TCF7L2: variants seen among roughly 807,000 people sequenced by gnomAD.
TCF7L2 encodes transcription factor 7 like 2, also known as transcription factor 7-like 2.
TCF7L2 carries 23 observed loss-of-function variants against 77.9 expected under a neutral mutation model. The observed-to-expected ratio is 0.30, with a 90% CI of 0.21 to 0.42. The LOEUF is 0.42. TCF7L2 is among the 10% of genes least tolerant of loss of function. The pLI is 1.00. For missense variants in TCF7L2, 654 were observed against 793.1 expected (o/e 0.82, Z 2.11); for synonymous variants, 413 against 340.2 (o/e 1.21, Z -2.36).
At chr10:112,966,986 C>T (rs149778403) in intron 4 of TCF7L2, among the ~76,000 whole-genome samples, 6 of 152,140 alleles carry the variant, frequency 3.9e-5, no homozygotes, top group Non-Finnish European at 8.8e-5. Context: ...CTGCTAGACC[C>T]GCACAAGGCC....
intron 8 of TCF7L2, 86 bp from the exon 9 acceptor site, chr10:113,150,912 T>A: frequency 6.4e-7 from 1 of 1,557,302 alleles, no homozygotes; most frequent in East Asian, 2.3e-5. Context: ...CGTGCTGTTT[T>A]TTTTTTTCTT....
intron 8 of TCF7L2, among the ~76,000 whole-genome samples, chr10:113,149,960 A>G (rs572048594): frequency 6.6e-6 from 1 of 152,306 alleles, no homozygotes; most frequent in Admixed American, 6.5e-5. Context: ...AGTACAAATC[A>G]TGGTGACACC....
rs144930865 is a variant in TCF7L2, at chr10:113,024,389, T to C, written c.451-15636T>C. On this transcript the variant is annotated intron_variant, in intron 4 of 13. Coordinates refer to ENST00000627217, the MANE Select transcript of TCF7L2 (RefSeq NM_001146274.2). Reference sequence around the variant, plus strand: ...GACATAAACCCTGTAAACTATCTCATACATCATGGGAGTGAGTTTGCAGTG... The same window carrying C: ...GACATAAACCCTGTAAACTATCTCACACATCATGGGAGTGAGTTTGCAGTG... Among the ~76,000 whole-genome samples, 269 of 152,252 alleles carry C rather than the reference T, an allele frequency of 1.8e-3. 3 individuals are homozygous for C. The highest frequency in any genetic ancestry group is 6.1e-3 in the African/African-American group (254 of 41,554).
intron 3 of TCF7L2, among the ~76,000 whole-genome samples, chr10:112,959,382 G>A (rs1436973692): frequency 1.3e-5 from 2 of 152,098 alleles, no homozygotes; most frequent in Non-Finnish European, 2.9e-5. Context: ...GTTAATGATC[G>A]TTCTCTGACT....
chr10:113,154,932 C>T (rs146229157), intron 11 of TCF7L2, among the ~76,000 whole-genome samples: 5 of 150,442 alleles, frequency 3.3e-5, no homozygotes, highest in East Asian at 1.9e-4. Context: ...GACTAAGAAC[C>T]GCAGCACTGA....
At chr10:113,025,659 G>A in intron 4 of TCF7L2, among the ~76,000 whole-genome samples, 1 of 152,158 alleles carries the variant, frequency 6.6e-6, no homozygotes, top group East Asian at 1.9e-4. Context: ...GGGATTACAG[G>A]TGTGAGTCAC....
intron 12 of TCF7L2, chr10:113,159,983 G>A (rs1320295126): frequency 1.2e-6 from 2 of 1,613,842 alleles, no homozygotes; most frequent in Non-Finnish European, 1.7e-6. Flanking sequence ...AACTGGTGCG[G>A]CCCTTGCAGG....
intron 4 of TCF7L2, among the ~76,000 whole-genome samples, chr10:112,979,523 G>A (rs1243753138): frequency 1.3e-5 from 2 of 152,122 alleles, no homozygotes; most frequent in African/African-American, 2.4e-5. Context: ...TTGGGAAGCC[G>A]AGGCGGGCGG....
At chr10:112,966,187 TATATA>T (rs1564721948) in intron 4 of TCF7L2, among the ~76,000 whole-genome samples, 5 of 20,478 alleles carry the variant, frequency 2.4e-4, no homozygotes, top group African/African-American at 4.9e-4. Context: ...AATATATTTA[TATATA>T]TATATATATA....
At chr10:113,104,779 C>T (rs190129232) in intron 5 of TCF7L2, among the ~76,000 whole-genome samples, 105 of 152,304 alleles carry the variant, frequency 6.9e-4, no homozygotes, top group African/African-American at 2.4e-3. Context: ...CACAATTCTA[C>T]TCTTCTGGCT....
chr10:113,110,291 A>C (rs1448098792), intron 5 of TCF7L2, among the ~76,000 whole-genome samples: 2 of 152,144 alleles, frequency 1.3e-5, no homozygotes, highest in Non-Finnish European at 2.9e-5. Flanking sequence ...ATAATTGTAA[A>C]AAAGTCAATT....
At chr10:113,119,956 T>C (rs1371160382) in intron 5 of TCF7L2, among the ~76,000 whole-genome samples, 5 of 152,218 alleles carry the variant, frequency 3.3e-5, no homozygotes, top group African/African-American at 1.2e-4. Flanking sequence ...GAATATCCAA[T>C]TAATTCCACG....
chr10:113,156,071 G>A (rs1336058959), intron 11 of TCF7L2, among the ~76,000 whole-genome samples: 2 of 151,982 alleles, frequency 1.3e-5, no homozygotes, highest in African/African-American at 2.4e-5. Context: ...ACCACCTTGA[G>A]GTTTTCCTGA....
At chr10:113,089,486 G>C in intron 5 of TCF7L2, 1 of 1,613,766 alleles carries the variant, frequency 6.2e-7, no homozygotes, top group Non-Finnish European at 8.5e-7. Flanking sequence ...AAGTCTTCAG[G>C]GACATGAAAA....
rs905473640 is a variant in TCF7L2 at position 112,950,409 on chromosome 10, C to T, written c.-348C>T. 19 of 222,558 alleles carry T rather than the reference C, an allele frequency of 8.5e-5. No individual in the cohort carries two copies. In the Admixed American group the frequency reaches 9.1e-4, roughly 11 times the overall value. 13.8% of individuals were successfully genotyped at this position (222,558 alleles called of 1,614,324 possible). A position where few individuals can be genotyped will look rare whatever the true frequency, so the allele number is the denominator to read the frequency against. On this transcript the variant is annotated 5_prime_UTR_variant, in exon 1 of 14. Coordinates refer to ENST00000627217, the MANE Select transcript of TCF7L2 (RefSeq NM_001146274.2). ...ACCTCCTGTATCTTCGGCTTCCCCC[C>T]CCCTTTGCTCTTTATATCTGACTTC...
chr10:113,140,117 A>G (rs1418839312), intron 5 of TCF7L2, among the ~76,000 whole-genome samples: 2 of 152,112 alleles, frequency 1.3e-5, no homozygotes, highest in South Asian at 2.1e-4. Flanking sequence ...AAAATCCTCT[A>G]TGGGGAATAG....
At chr10:113,055,602 G>A (rs2055240903) in intron 5 of TCF7L2, among the ~76,000 whole-genome samples, 1 of 152,180 alleles carries the variant, frequency 6.6e-6, no homozygotes, top group African/African-American at 2.4e-5. Flanking sequence ...GAGTCTCACT[G>A]CATTGCCCAG....
chr10:112,993,622 T>C (rs1428069547), intron 4 of TCF7L2, among the ~76,000 whole-genome samples: 1 of 152,210 alleles, frequency 6.6e-6, no homozygotes, highest in African/African-American at 2.4e-5. Context: ...GGCTTATCGT[T>C]ATCTGTAAGT....
rs866073594 is a variant in TCF7L2, at chr10:112,951,513, A to G, written c.287A>G (p.Lys96Arg). The change falls in exon 3 of 14, where the codon AAG becomes AGG. Residue 96 changes from lysine to arginine, a missense_variant. Physicochemically the swap from Lys to Arg is conservative, Grantham distance 26 (BLOSUM62 2). This residue lies in a region of TCF7L2 where 132 missense variants were observed against 123.7 expected (regional missense o/e 1.07). Coordinates refer to ENST00000627217, the MANE Select transcript of TCF7L2 (RefSeq NM_001146274.2). ...AAGAGGCAAGATGGAGGGCTCTTTA[A>G]GGGGCCACCGTATCCCGGCTACCCC... The G allele has an allele frequency of 7.0e-7, 1 of 1,430,454 alleles. No individual in the cohort carries two copies. Among genetic ancestry groups the G allele is most frequent in the Non-Finnish European group, 9.4e-7 (1 of 1,069,286 alleles). 88.6% of individuals were successfully genotyped at this position (1,430,454 alleles called of 1,614,324 possible).
Sources: allele counts gnomAD v4.1 joint callset (sites outside exome capture counted in the v4.1 genomes callset), GRCh38; gene constraint gnomAD v4.1.1; regional missense constraint gnomAD v4.1.1; transcripts MANE v1.5; gene names NCBI Gene and HGNC (gene_info 2026-07-23, HGNC 2026-07-21).